Variants in PID1 observed in about 807,000 individuals in gnomAD.
PID1 encodes the protein phosphotyrosine interaction domain containing 1.
A neutral mutation model predicts 19.1 loss-of-function variants in PID1; 10 were observed. The ratio of observed to expected loss-of-function variants is 0.52; its 90% CI spans 0.32 to 0.89. PID1 has a LOEUF of 0.89. Ranked by LOEUF, PID1 falls within the 40% of genes least tolerant of loss-of-function variation. PID1 has a pLI of 0.03. For synonymous variants in PID1, 130 were observed against 116.0 expected (o/e 1.12, Z -0.78); for missense variants, 248 against 285.3 (o/e 0.87, Z 0.94).
At chr2:229,062,536 A>C (rs73099470) in intron 2 of PID1, among the ~76,000 whole-genome samples, 1 of 151,818 alleles carries the variant, frequency 6.6e-6, no homozygotes, top group East Asian at 1.9e-4. Flanking sequence ...TTTTCATTAG[A>C]GATACTGATC....
Position 229,213,705 on chromosome 2 carries a change from A to G in PID1, c.30+57309T>C, listed in dbSNP as rs1691786513. Among the ~76,000 whole-genome samples, 6 of 152,192 alleles carry G rather than the reference A, an allele frequency of 3.9e-5. No homozygotes were observed. In the South Asian group the frequency reaches 1.2e-3, roughly 31 times the overall value. On this transcript the variant is annotated intron_variant, in intron 1 of 2. Transcript: ENST00000392055. ...AAGGTAAACATTATATCTTCCTTCT[A>G]TTCTCAGTCTTCAGCACAATAGATA...
chr2:229,157,279 A>T (rs188661740), intron 1 of PID1, among the ~76,000 whole-genome samples: 158 of 152,074 alleles, frequency 1.0e-3, no homozygotes, highest in African/African-American at 3.6e-3. Context: ...AAAATACAAA[A>T]ATTAGCCGGG....
At chr2:229,201,262 A>G (rs750287025) in intron 1 of PID1, among the ~76,000 whole-genome samples, 6 of 152,084 alleles carry the variant, frequency 3.9e-5, no homozygotes, top group Non-Finnish European at 7.4e-5. Flanking sequence ...CGCTATGCTT[A>G]TTAAACAAAA....
intron 1 of PID1, among the ~76,000 whole-genome samples, chr2:229,174,228 G>A (rs1690768440): frequency 6.6e-6 from 1 of 152,186 alleles, no homozygotes; most frequent in Non-Finnish European, 1.5e-5. Flanking sequence ...TGGACTTGCT[G>A]TGTGTGCAAT....
chr2:229,058,894 A>T (rs763726383), intron 2 of PID1, among the ~76,000 whole-genome samples: 4 of 152,200 alleles, frequency 2.6e-5, no homozygotes, highest in Non-Finnish European at 5.9e-5. Flanking sequence ...AGTCCGTGGA[A>T]AGTGAGGCAG....
chr2:229,095,936 A>G (rs1199592889), intron 2 of PID1, among the ~76,000 whole-genome samples: 2 of 152,186 alleles, frequency 1.3e-5, no homozygotes, highest in Admixed American at 1.3e-4. Context: ...GAAGAATCAG[A>G]TATCTTTGCA....
At chr2:229,082,926 T>C (rs1694696725) in intron 2 of PID1, among the ~76,000 whole-genome samples, 1 of 151,868 alleles carries the variant, frequency 6.6e-6, no homozygotes, top group Admixed American at 6.5e-5. Context: ...TTTGTTATAG[T>C]GGCAATAGGA....
At chr2:229,122,224 G>T (rs1024050137) in intron 2 of PID1, among the ~76,000 whole-genome samples, 3 of 152,132 alleles carry the variant, frequency 2.0e-5, no homozygotes, top group Admixed American at 6.5e-5. Context: ...TGTAAAAAGT[G>T]GCAGAAAGAT....
intron 1 of PID1, among the ~76,000 whole-genome samples, chr2:229,161,091 T>TA (rs1690484136): frequency 6.6e-6 from 1 of 152,202 alleles, no homozygotes; most frequent in Non-Finnish European, 1.5e-5. Context: ...TGACACAGGC[T>TA]GACCATCTGA....
At chr2:229,263,342 G>T (rs1302949843) in intron 1 of PID1, among the ~76,000 whole-genome samples, 1 of 152,142 alleles carries the variant, frequency 6.6e-6, no homozygotes, top group East Asian at 1.9e-4. Context: ...TATGGCTGCT[G>T]CAATGCTAGA....
intron 1 of PID1, among the ~76,000 whole-genome samples, chr2:229,211,256 T>C (rs1437422308): frequency 6.6e-6 from 1 of 151,974 alleles, no homozygotes; most frequent in African/African-American, 2.4e-5. Context: ...TAACACCTAT[T>C]TTGTGCAGGT....
chr2:229,167,177 T>C (rs1256805735), intron 1 of PID1, among the ~76,000 whole-genome samples: 3 of 152,118 alleles, frequency 2.0e-5, no homozygotes, highest in East Asian at 3.9e-4. Context: ...GCAAACACTA[T>C]AGCAATGTTT....
intron 1 of PID1, among the ~76,000 whole-genome samples, chr2:229,220,237 T>C (rs1691938063): frequency 6.6e-6 from 1 of 152,230 alleles, no homozygotes; most frequent in South Asian, 2.1e-4. Context: ...CAGGCTCCCA[T>C]GACACTTTAA....
chr2:229,134,138 T>A (rs1689805691), intron 2 of PID1, among the ~76,000 whole-genome samples: 1 of 152,006 alleles, frequency 6.6e-6, no homozygotes, highest in Admixed American at 6.6e-5. Context: ...CACCTAATGA[T>A]CTTCCTTTAT....
At chr2:229,139,283 T>G (rs1230724483) in intron 2 of PID1, among the ~76,000 whole-genome samples, 2 of 152,122 alleles carry the variant, frequency 1.3e-5, no homozygotes, top group African/African-American at 2.4e-5. Context: ...AGGGATACAG[T>G]GTCACAAATG....
chr2:229,051,191 G>A (rs760398593), intron 2 of PID1, among the ~76,000 whole-genome samples: 11 of 151,990 alleles, frequency 7.2e-5, no homozygotes, highest in African/African-American at 9.7e-5. Context: ...GGAAATTAAC[G>A]CAAATTCTCC....
intron 2 of PID1, among the ~76,000 whole-genome samples, chr2:229,073,868 T>C (rs919252844): frequency 6.6e-6 from 1 of 152,198 alleles, no homozygotes; most frequent in Non-Finnish European, 1.5e-5. Context: ...TAAAATGAAC[T>C]TTACTTTCTT....
intron 1 of PID1, among the ~76,000 whole-genome samples, chr2:229,193,390 C>G (rs116827954): frequency 6.6e-6 from 1 of 152,182 alleles, no homozygotes; most frequent in Non-Finnish European, 1.5e-5. Flanking sequence ...TGATGCTGCT[C>G]TAAGGCTTGT....
intron 1 of PID1, among the ~76,000 whole-genome samples, chr2:229,233,183 T>C (rs984973395): frequency 3.3e-5 from 5 of 152,156 alleles, no homozygotes; most frequent in Non-Finnish European, 7.3e-5. Flanking sequence ...AAAATCAGAA[T>C]GGTTAAAATT....
Sources: gnomAD v4.1 joint callset for allele counts (sites outside exome capture counted in the v4.1 genomes callset) on GRCh38, gnomAD v4.1.1 for gene constraint, MANE v1.5 for transcripts, NCBI Gene and HGNC (gene_info 2026-07-23, HGNC 2026-07-21) for gene names.